The following RIMS3 variants were observed in gnomAD, a reference collection of about 807,000 sequenced individuals.
RIMS3 encodes regulating synaptic membrane exocytosis 3.
In RIMS3, 15 loss-of-function variants were observed where a neutral mutation model predicts 29.2. That is an observed-to-expected ratio of 0.51 (90% CI 0.34 to 0.79). RIMS3 has a LOEUF of 0.79. Among genes scored for constraint, RIMS3 ranks in the 30% least tolerant of loss-of-function variants. The probability of loss-of-function intolerance (pLI) is 0.01; values close to 1 mark genes in which losing one functional copy is unlikely to be tolerated. For missense variants in RIMS3, 342 were observed against 421.4 expected (o/e 0.81, Z 1.65); for synonymous variants, 161 against 170.1 (o/e 0.95, Z 0.41).
At chr1:40,674,173 G>C in the RIMS3 span, among the ~76,000 whole-genome samples, 5 of 152,172 alleles carry the variant, frequency 3.3e-5, no homozygotes, top group Non-Finnish European at 7.3e-5. Flanking sequence ...AGGAAGAAGA[G>C]GAGGAGGAAG....
At chr1:40,672,127 T>C in the RIMS3 span, among the ~76,000 whole-genome samples, 3 of 151,896 alleles carry the variant, frequency 2.0e-5, no homozygotes, top group Non-Finnish European at 4.4e-5. Context: ...ACTAATACAG[T>C]TGGCAAATAA....
upstream of RIMS3, among the ~76,000 whole-genome samples, chr1:40,666,315 A>G (rs1455662151): frequency 6.6e-6 from 1 of 152,148 alleles, no homozygotes; most frequent in Non-Finnish European, 1.5e-5. Flanking sequence ...GTCTGGAGAC[A>G]TTTTTGGTTT....
chr1:40,635,959 C>T lies in RIMS3; in HGVS notation c.316G>A (p.Glu106Lys). The part of the protein sequence containing the change: ...RSRVTRQGSR[E>K]STDGSTNSNS... ...CTGTTGGTGCTCCCATCGGTGGACT[C>T]CCGGCTGCCCTGGCGTGTGACCCGG... Residue 106 changes from glutamate to lysine, a missense_variant, in exon 4 of 8, where the codon GAG becomes AAG. Glu to Lys is a moderately conservative substitution (Grantham distance 56, BLOSUM62 1). Coordinates refer to ENST00000372684, the MANE Select transcript of RIMS3 (RefSeq NM_014747.3). The surrounding 1 kb of genome is among the most constrained non-coding windows in gnomAD (Gnocchi z 4.1). 1 of 1,612,340 alleles carries T rather than the reference C, an allele frequency of 6.2e-7. No homozygotes were observed. The highest frequency in any genetic ancestry group is 8.5e-7 in the Non-Finnish European group (1 of 1,179,982).
At chr1:40,660,096 G>A (rs902365662) in intron 1 of RIMS3, among the ~76,000 whole-genome samples, 1 of 152,146 alleles carries the variant, frequency 6.6e-6, no homozygotes, top group African/African-American at 2.4e-5. Context: ...GCAGCGAGAG[G>A]GTCCACGGAC....
At chr1:40,683,481 C>T in the RIMS3 span, among the ~76,000 whole-genome samples, 2 of 152,232 alleles carry the variant, frequency 1.3e-5, no homozygotes, top group African/African-American at 2.4e-5. Context: ...TCTTCTGCCA[C>T]GTTATGGTGT....
chr1:40,637,236 G>A (rs1646525954), intron 3 of RIMS3, among the ~76,000 whole-genome samples: 1 of 152,194 alleles, frequency 6.6e-6, no homozygotes, highest in Admixed American at 6.5e-5. Context: ...GGGAGGGGAT[G>A]TTCAAGACCC....
At chr1:40,687,438 C>A in the RIMS3 span, 1 of 151,874 alleles carries the variant, frequency 6.6e-6, no homozygotes, top group Admixed American at 6.6e-5. Flanking sequence ...CCCGTCTCTA[C>A]TAAAAACACA....
At chr1:40,640,430 G>A (rs1022526884) in intron 3 of RIMS3, among the ~76,000 whole-genome samples, 7 of 152,072 alleles carry the variant, frequency 4.6e-5, no homozygotes, top group African/African-American at 1.2e-4. Flanking sequence ...TACTGTCGAC[G>A]GCTTTGTATA....
intron 2 of RIMS3, among the ~76,000 whole-genome samples, chr1:40,646,532 G>A (rs1646596990): frequency 6.6e-6 from 1 of 152,158 alleles, no homozygotes; most frequent in East Asian, 1.9e-4. Context: ...CGCAGGGAAG[G>A]AAACCGTCCT....
At chr1:40,642,888 G>A (rs1243515901) in intron 2 of RIMS3, among the ~76,000 whole-genome samples, 3 of 150,486 alleles carry the variant, frequency 2.0e-5, no homozygotes, top group Non-Finnish European at 3.0e-5. Flanking sequence ...CTGGGGAGGC[G>A]GAGGTAGCAG....
chr1:40,672,191 A>G, the RIMS3 span, among the ~76,000 whole-genome samples: 1 of 132,620 alleles, frequency 7.5e-6, no homozygotes, highest in African/African-American at 3.0e-5. Context: ...AGATAGCTAG[A>G]TGATTTTTTT....
chr1:40,689,320 C>T, the RIMS3 span, among the ~76,000 whole-genome samples: 25 of 152,220 alleles, frequency 1.6e-4, no homozygotes, highest in African/African-American at 2.2e-4. Context: ...CTCACTCTGT[C>T]GCCCAGGCTG....
chr1:40,638,285 T>C (rs1646533446), intron 3 of RIMS3, among the ~76,000 whole-genome samples: 1 of 152,108 alleles, frequency 6.6e-6, no homozygotes, highest in Non-Finnish European at 1.5e-5. Flanking sequence ...AGAGATTAAG[T>C]TCCATGACCT....
the RIMS3 span, among the ~76,000 whole-genome samples, chr1:40,672,862 T>C: frequency 1.1e-5 from 1 of 89,626 alleles, no homozygotes. Flanking sequence ...AGACCCCATC[T>C]CTGGAGAAAA....
intron 5 of RIMS3, 74 bp downstream of exon 5, chr1:40,632,995 G>A (rs1039945971): frequency 2.6e-6 from 3 of 1,138,744 alleles, no homozygotes; most frequent in Non-Finnish European, 4.0e-6. Context: ...GCCAATGCAG[G>A]GCCCCCACTG....
At chr1:40,677,684 C>A in the RIMS3 span, among the ~76,000 whole-genome samples, 2 of 150,656 alleles carry the variant, frequency 1.3e-5, no homozygotes, top group Admixed American at 6.6e-5. Flanking sequence ...GGTGACAGAG[C>A]GAGATTACAT....
chr1:40,687,944 A>G, the RIMS3 span, among the ~76,000 whole-genome samples: 1 of 152,176 alleles, frequency 6.6e-6, no homozygotes, highest in Non-Finnish European at 1.5e-5. Flanking sequence ...CTCCAGCAGC[A>G]CATGAACTAT....
the RIMS3 span, chr1:40,690,722 C>T: frequency 6.6e-6 from 1 of 152,178 alleles, no homozygotes; most frequent in South Asian, 2.1e-4. Context: ...GGGTTATAAA[C>T]CCAAAGGAAG....
chr1:40,691,402 A>G, the RIMS3 span: 1 of 215,912 alleles, frequency 4.6e-6, no homozygotes, highest in Non-Finnish European at 9.8e-6. Context: ...ACTCAAGGGC[A>G]CGCGCACACA....
Sources: gnomAD v4.1 joint callset for allele counts (sites outside exome capture counted in the v4.1 genomes callset) on GRCh38, gnomAD v4.1.1 for gene constraint, Gnocchi (gnomAD v3.1) non-coding constraint, MANE v1.5 for transcripts, NCBI Gene and HGNC (gene_info 2026-07-23, HGNC 2026-07-21) for gene names.